Variants in ZNF415 observed in about 807,000 individuals in gnomAD.
ZNF415 encodes zinc finger protein 415.
A neutral mutation model predicts 7.3 loss-of-function variants in ZNF415; 5 were observed. The observed-to-expected ratio is 0.69, with a 90% CI of 0.36 to 1.44. ZNF415 has a LOEUF of 1.44. ZNF415 is among the 40% of genes most tolerant of loss of function. ZNF415 has a pLI of 0.04. For synonymous variants in ZNF415, 207 were observed against 226.3 expected, an observed-to-expected ratio of 0.91 and a Z score of 0.77; for missense variants, 628 against 664.8, an observed-to-expected ratio of 0.94 and a Z score of 0.61.
Position 53,111,345 on chromosome 19 carries a change from T to C in ZNF415, c.137-1437A>G, listed in dbSNP as rs1028711421. 1.9e-3 allele frequency among the ~76,000 whole-genome samples: 285 copies of C among 147,242 alleles called. 1 individual carries two copies. Among genetic ancestry groups the C allele is most frequent in the African/African-American group, 6.5e-3 (261 of 40,268 alleles). ...TCTCCTAGCCTATGATATTTCTTTT[T>C]TTTTTTTTTTTTTTTTGAGACCCAG... On this transcript the variant is annotated intron_variant, in intron 3 of 3. Transcript: ENST00000243643.
chr19:53,124,071 C>T (rs2088607576), intron 1 of ZNF415: 1 of 152,146 alleles, frequency 6.6e-6, no homozygotes, highest in Admixed American at 6.6e-5. Flanking sequence ...AACCCCATCT[C>T]TACTAAAAAT....
chr19:53,122,364 T>C (rs1455491900), intron 2 of ZNF415: 1 of 1,531,086 alleles, frequency 6.5e-7, no homozygotes, highest in Non-Finnish European at 8.8e-7. Flanking sequence ...CCCTGAACAA[T>C]CCCTGCTGCC....
intron 1 of ZNF415, among the ~76,000 whole-genome samples, chr19:53,126,193 G>A (rs1234739615): frequency 2.6e-5 from 4 of 151,506 alleles, no homozygotes; most frequent in Admixed American, 2.0e-4. Context: ...GAAGGGACCT[G>A]AGCAGGACCA....
rs1257828191 is a variant in ZNF415 at position 53,107,984 on chromosome 19, CACA to C, written c.*390_*392del. 2 of 181,622 alleles carry C rather than the reference CACA, an allele frequency of 1.1e-5. No homozygotes were observed. Among genetic ancestry groups the C allele is most frequent in the East Asian group, 3.1e-4 (2 of 6,518 alleles). 11.3% of individuals were successfully genotyped at this position (181,622 alleles called of 1,614,324 possible). ...ATGTGTAATATGAAAAGTTTATCAG[CACA>C]ACTAGACTGAATTATTCCTCACATA... On this transcript the variant is annotated 3_prime_UTR_variant, in exon 4 of 4. Coordinates refer to ENST00000243643, the MANE Select transcript of ZNF415 (RefSeq NM_018355.4).
At chr19:53,117,160 G>A (rs34761092) in intron 2 of ZNF415, among the ~76,000 whole-genome samples, 59,697 of 151,954 alleles carry the variant, frequency 0.39, 12,624 homozygotes, top group East Asian at 0.61. Context: ...AAGAGAATTC[G>A]GCTGGGCGTG....
In ZNF415 at chr19:53,108,265, G is replaced by C; in HGVS notation, c.*112C>G. On this transcript the variant is annotated 3_prime_UTR_variant, in exon 4 of 4. Coordinates refer to ENST00000243643, the MANE Select transcript of ZNF415 (RefSeq NM_018355.4). ...TGAAATTCTCTGATGCTGTGTAGGAGTGAATTGTGACTGAAAACCTTGCCA... is the reference window on the plus strand; with the variant it reads ...TGAAATTCTCTGATGCTGTGTAGGACTGAATTGTGACTGAAAACCTTGCCA... 4 of 998,342 alleles carry C rather than the reference G, an allele frequency of 4.0e-6. No homozygotes were observed. Among genetic ancestry groups the C allele is most frequent in the East Asian group, 2.6e-5 (1 of 39,184 alleles). 61.8% of individuals were successfully genotyped at this position (998,342 alleles called of 1,614,324 possible).
intron 1 of ZNF415, among the ~76,000 whole-genome samples, chr19:53,130,932 C>T (rs574110178): frequency 2.0e-5 from 3 of 152,220 alleles, no homozygotes; most frequent in African/African-American, 7.2e-5. Context: ...GCATGAGCCA[C>T]CATGCCCAGC....
Position 53,108,210 on chromosome 19 carries a change from T to A in ZNF415, c.*167A>T. On this transcript the variant is annotated 3_prime_UTR_variant, in exon 4 of 4. Transcript: ENST00000243643. ...AATGCTTGAACTTGTGATGAAGGGTTTGCTGTACTCGTAAGGATTCTCTCA... is the reference window on the plus strand; with the variant it reads ...AATGCTTGAACTTGTGATGAAGGGTATGCTGTACTCGTAAGGATTCTCTCA... The A allele has an allele frequency of 1.5e-6, 1 of 671,404 alleles. No individual in the cohort carries two copies. The allele number at this position is 671,404 out of a possible 1,614,324, so 41.6% of individuals were successfully genotyped here.
intron 3 of ZNF415, among the ~76,000 whole-genome samples, chr19:53,114,533 G>GT (rs2086713167): frequency 6.6e-6 from 1 of 152,098 alleles, no homozygotes; most frequent in Admixed American, 6.6e-5. Context: ...AAGAGCCAAG[G>GT]TTTTTCCACA....
intron 3 of ZNF415, among the ~76,000 whole-genome samples, chr19:53,115,502 G>A (rs567866803): frequency 2.6e-5 from 4 of 152,220 alleles, no homozygotes; most frequent in Non-Finnish European, 5.9e-5. Context: ...GTCTCTGTTT[G>A]AGCTGCAGCC....
At chr19:53,118,141 A>T (rs1336079820) in intron 2 of ZNF415, among the ~76,000 whole-genome samples, 1 of 152,154 alleles carries the variant, frequency 6.6e-6, no homozygotes, top group African/African-American at 2.4e-5. Context: ...TGAAACCAAA[A>T]GCAAGCAGAA....
intron 1 of ZNF415, among the ~76,000 whole-genome samples, chr19:53,131,052 T>C (rs1053960066): frequency 6.8e-6 from 1 of 147,278 alleles, no homozygotes; most frequent in Non-Finnish European, 1.5e-5. Context: ...CATTTTGAGA[T>C]TTTCTTGCAA....
At chr19:53,130,439 T>C (rs1312103148) in intron 1 of ZNF415, among the ~76,000 whole-genome samples, 1 of 140,088 alleles carries the variant, frequency 7.1e-6, no homozygotes, top group Non-Finnish European at 1.6e-5. Flanking sequence ...CTGATGAATT[T>C]TGGAGCTAAA....
chr19:53,128,243 G>C (rs1265093227), intron 1 of ZNF415, among the ~76,000 whole-genome samples: 3 of 152,018 alleles, frequency 2.0e-5, no homozygotes, highest in Admixed American at 6.6e-5. Flanking sequence ...AGGACAGTGG[G>C]CCTCAAGTCT....
chr19:53,122,726 AG>A lies in ZNF415; in HGVS notation c.-51del. On this transcript the variant is annotated 5_prime_UTR_variant, in exon 2 of 4. Transcript: ENST00000243643. Reference sequence around the variant, plus strand: ...CTGGGTTTCTTCCTCATGTGCCAGGAGTCTTTGGAAGTCAATGCTGAATAAC... The same window carrying A: ...CTGGGTTTCTTCCTCATGTGCCAGGATCTTTGGAAGTCAATGCTGAATAAC... 1 of 1,613,160 alleles carries A rather than the reference AG, an allele frequency of 6.2e-7. No homozygotes were observed. The highest frequency in any genetic ancestry group is 1.1e-5 in the South Asian group (1 of 91,034).
In ZNF415 at chr19:53,122,623, A is replaced by G. The variant is rs12462731; in HGVS notation, c.15+39T>C. The G allele has an allele frequency of 4.6e-3, 7,451 of 1,613,404 alleles. 295 individuals carry two copies. The African/African-American group carries it at 0.086, about 19-fold the overall frequency. ...GGCATTGTCTCCCACCTTTCTGAAA[A>G]GAGGGAGACAGAATGATCCACACAG... On this transcript the variant is annotated intron_variant, in intron 2 of 3. Transcript: ENST00000243643.
At chr19:53,123,864 C>A (rs2088571373) in intron 1 of ZNF415, 3 of 297,226 alleles carry the variant, frequency 1.0e-5, no homozygotes, top group Non-Finnish European at 1.8e-5. Context: ...TGCAGGACTG[C>A]AGGGGAATGC....
intron 3 of ZNF415, among the ~76,000 whole-genome samples, chr19:53,113,177 A>T (rs181677273): frequency 1.3e-5 from 2 of 152,138 alleles, no homozygotes; most frequent in Non-Finnish European, 2.9e-5. Context: ...ACAAGATGAA[A>T]CTAGTAGTGG....
At chr19:53,128,529 C>T (rs1249778217) in intron 1 of ZNF415, among the ~76,000 whole-genome samples, 1 of 119,840 alleles carries the variant, frequency 8.3e-6, no homozygotes, top group Non-Finnish European at 1.8e-5. Context: ...GAATCCAGGA[C>T]CCCTGACTGT....
Sources: allele counts gnomAD v4.1 joint callset (sites outside exome capture counted in the v4.1 genomes callset), GRCh38; gene constraint gnomAD v4.1.1; transcripts MANE v1.5; gene names NCBI Gene and HGNC (gene_info 2026-07-23, HGNC 2026-07-21).